PTPRD: variants seen among roughly 807,000 people sequenced by gnomAD.
PTPRD encodes the protein receptor-type tyrosine-protein phosphatase delta.
Under a neutral mutation model 214.5 loss-of-function variants are expected in PTPRD, and 34 were observed. The ratio of observed to expected loss-of-function variants is 0.16; its 90% CI spans 0.12 to 0.21. The LOEUF (loss-of-function observed/expected upper bound fraction) is 0.21, where lower values mean the gene tolerates loss of function less well. Among genes scored for constraint, PTPRD ranks in the 10% least tolerant of loss-of-function variants. PTPRD has a pLI of 1.00. For synonymous variants in PTPRD, 1,128 were observed against 845.7 expected (o/e 1.33, Z -5.79); for missense variants, 2,545 against 2,398.7 (o/e 1.06, Z -1.27).
intron 35 of PTPRD, among the ~76,000 whole-genome samples, chr9:8,414,955 GAGAGA>G (rs1564641841): frequency 6.7e-4 from 101 of 149,676 alleles, no homozygotes; most frequent in African/African-American, 2.4e-3. Flanking sequence ...GAGAGAGAGA[GAGAGA>G]GAGAGAGAGA....
intron 9 of PTPRD, among the ~76,000 whole-genome samples, chr9:9,375,175 AAAG>A (rs2060463616): frequency 6.6e-6 from 1 of 152,192 alleles, no homozygotes; most frequent in Non-Finnish European, 1.5e-5. Context: ...CATCATACTG[AAAG>A]ACAATGTCTG....
At chr9:8,606,240 A>AAC (rs1037981979) in intron 14 of PTPRD, among the ~76,000 whole-genome samples, 2 of 151,692 alleles carry the variant, frequency 1.3e-5, no homozygotes, top group Admixed American at 6.6e-5. Context: ...TGCATTCACA[A>AAC]ACACACACAC....
chr9:9,237,366 G>C lies in PTPRD; in HGVS notation c.-202-54003C>G, dbSNP rs139049888. ...GATCACTGGAGCCCAGGAATTTAAG[G>C]CTGCAGTTAGCTATGATCATGCCAC... On this transcript the variant is annotated intron_variant, in intron 9 of 45. Coordinates refer to ENST00000381196, the MANE Select transcript of PTPRD (RefSeq NM_002839.4). Among the ~76,000 whole-genome samples the C allele has an allele frequency of 2.0e-3, 303 of 152,158 alleles. 1 individual carries two copies. The highest frequency in any genetic ancestry group is 6.7e-3 in the African/African-American group (279 of 41,512).
Position 8,319,879 on chromosome 9 carries a change from C to G in PTPRD, c.5622G>C (p.Gln1874His), listed in dbSNP as rs775133488. The G allele has an allele frequency of 5.0e-6, 8 of 1,613,098 alleles. No individual in the cohort carries two copies. Among genetic ancestry groups the G allele is most frequent in the African/African-American group, 1.3e-5 (1 of 74,918 alleles). The stretch of plus-strand genomic sequence containing the variant: ...GTTGTGTTCTTAACATTTTGACAGT[C>G]TGGAAGATATCTACAACTCCTTCAT... ...MRYEGVVDIF[Q>H]TVKMLRTQRP... The change falls in exon 45 of 46, where the codon CAG becomes CAC. Residue 1874 changes from glutamine to histidine, a missense_variant. Coordinates refer to ENST00000381196, the MANE Select transcript of PTPRD (RefSeq NM_002839.4).
At chr9:9,422,744 A>G (rs2079273600) in intron 8 of PTPRD, among the ~76,000 whole-genome samples, 1 of 152,166 alleles carries the variant, frequency 6.6e-6, no homozygotes, top group Non-Finnish European at 1.5e-5. Flanking sequence ...TGAGGGATTG[A>G]GATCCTGACG....
chr9:9,517,437 G>C (rs748358789), intron 8 of PTPRD, among the ~76,000 whole-genome samples: 1 of 151,998 alleles, frequency 6.6e-6, no homozygotes, highest in Non-Finnish European at 1.5e-5. Context: ...ACACTGAGAC[G>C]AGGAAAAGCT....
intron 9 of PTPRD, among the ~76,000 whole-genome samples, chr9:9,369,511 C>T (rs1235038572): frequency 1.3e-5 from 2 of 151,932 alleles, no homozygotes; most frequent in Non-Finnish European, 2.9e-5. Flanking sequence ...TGGATATTAG[C>T]CTTTTGTCAG....
intron 5 of PTPRD, among the ~76,000 whole-genome samples, chr9:9,891,584 T>G (rs557402379): frequency 9.2e-5 from 14 of 152,248 alleles, no homozygotes; most frequent in Non-Finnish European, 1.9e-4. Context: ...TATTTTTGAA[T>G]GCTGATACAG....
intron 21 of PTPRD, among the ~76,000 whole-genome samples, chr9:8,514,886 G>A (rs568222297): frequency 4.5e-4 from 69 of 152,142 alleles, no homozygotes; most frequent in South Asian, 1.0e-3. Flanking sequence ...TGCCGTTGTC[G>A]TGATAGTGAG....
chr9:9,462,889 G>A (rs2093788172), intron 8 of PTPRD, among the ~76,000 whole-genome samples: 1 of 151,976 alleles, frequency 6.6e-6, no homozygotes, highest in Admixed American at 6.6e-5. Context: ...TGTCTGCTGT[G>A]ACCCACAAAA....
In PTPRD at chr9:10,193,885, A is replaced by G. The variant is rs372274026; in HGVS notation, c.-545+147078T>C. 5.3e-5 allele frequency among the ~76,000 whole-genome samples: 8 copies of G among 152,288 alleles called. No individual in the cohort carries two copies. The East Asian group carries it at 1.5e-3, about 29-fold the overall frequency. ...ATTTTAAAAATTAAATTAAGGAAAC[A>G]TAGAATCACATGCTTTGTTAGATGC... On this transcript the variant is annotated intron_variant, in intron 3 of 45. Transcript: ENST00000381196.
At chr9:9,377,682 A>G (rs2140153007) in intron 9 of PTPRD, among the ~76,000 whole-genome samples, 1 of 152,188 alleles carries the variant, frequency 6.6e-6, no homozygotes, top group East Asian at 1.9e-4. Context: ...GACATTGACT[A>G]CAAACAGCTT....
At chr9:10,527,381 G>C (rs563012337) in intron 2 of PTPRD, among the ~76,000 whole-genome samples, 2 of 152,202 alleles carry the variant, frequency 1.3e-5, no homozygotes, top group African/African-American at 2.4e-5. Flanking sequence ...TGGGAGGTCT[G>C]TTTCAAAACA....
intron 9 of PTPRD, among the ~76,000 whole-genome samples, chr9:9,208,830 T>C (rs1306532979): frequency 1.3e-5 from 2 of 151,620 alleles, no homozygotes; most frequent in Non-Finnish European, 2.9e-5. Context: ...TTCTTTGAGA[T>C]GGAGTCTCGC....
At chr9:8,782,434 C>G (rs759918463) in intron 11 of PTPRD, among the ~76,000 whole-genome samples, 1 of 152,110 alleles carries the variant, frequency 6.6e-6, no homozygotes, top group Non-Finnish European at 1.5e-5. Flanking sequence ...TGCAATACAT[C>G]TCCTGAACTT....
At chr9:10,574,098 A>T (rs893982685) in intron 2 of PTPRD, among the ~76,000 whole-genome samples, 1 of 152,208 alleles carries the variant, frequency 6.6e-6, no homozygotes, top group African/African-American at 2.4e-5. Context: ...AGATATTGAA[A>T]CAAATGAGGG....
intron 8 of PTPRD, among the ~76,000 whole-genome samples, chr9:9,514,903 T>C (rs941936754): frequency 1.3e-5 from 2 of 152,108 alleles, no homozygotes; most frequent in Non-Finnish European, 2.9e-5. Flanking sequence ...CTCTGTGTCA[T>C]ACCTAAACAA....
At chr9:10,224,068 T>C (rs2099580687) in intron 3 of PTPRD, among the ~76,000 whole-genome samples, 1 of 151,938 alleles carries the variant, frequency 6.6e-6, no homozygotes, top group African/African-American at 2.4e-5. Context: ...CAAATCTTCA[T>C]ATAATATTAA....
At chr9:8,988,243 A>C (rs2099353264) in intron 11 of PTPRD, among the ~76,000 whole-genome samples, 1 of 152,020 alleles carries the variant, frequency 6.6e-6, no homozygotes, top group Non-Finnish European at 1.5e-5. Flanking sequence ...GGCATAAAAA[A>C]CCCAATTTCA....
Sources: allele counts gnomAD v4.1 joint callset (sites outside exome capture counted in the v4.1 genomes callset), GRCh38; gene constraint gnomAD v4.1.1; transcripts MANE v1.5; gene names NCBI Gene and HGNC (gene_info 2026-07-23, HGNC 2026-07-21).